The following FRMD6 variants were observed in gnomAD, a reference collection of about 807,000 sequenced individuals.
The protein encoded by FRMD6 is FERM domain containing 6.
Under a neutral mutation model 73.2 loss-of-function variants are expected in FRMD6, and 37 were observed. The observed-to-expected ratio is 0.51, with a 90% confidence interval of 0.39 to 0.66. The LOEUF (loss-of-function observed/expected upper bound fraction) is 0.66, where lower values mean the gene tolerates loss of function less well. FRMD6 is among the 30% of genes least tolerant of loss of function. The pLI is 0.00. For missense variants in FRMD6, 714 were observed against 780.5 expected, an observed-to-expected ratio of 0.91 and a Z score of 1.02; for synonymous variants, 273 against 282.2, an observed-to-expected ratio of 0.97 and a Z score of 0.33.
At chr14:51,471,054 TG>T in the FRMD6 span, among the ~76,000 whole-genome samples, 2 of 152,242 alleles carry the variant, frequency 1.3e-5, no homozygotes, top group Non-Finnish European at 2.9e-5. Context: ...ATGTTTTTTC[TG>T]GTTTTTCTAT....
At chr14:51,442,873 G>A in the FRMD6 span, among the ~76,000 whole-genome samples, 1 of 152,184 alleles carries the variant, frequency 6.6e-6, no homozygotes, top group African/African-American at 2.4e-5. Context: ...CAGAAGAACA[G>A]CAAGAAAACA....
chr14:51,613,128 T>G (rs1436426942), intron 2 of FRMD6, among the ~76,000 whole-genome samples: 1 of 152,162 alleles, frequency 6.6e-6, no homozygotes, highest in Non-Finnish European at 1.5e-5. Flanking sequence ...AGTTTCTAAT[T>G]TAATCTTTGA....
chr14:51,514,588 C>T (rs1884511814), intron 1 of FRMD6, among the ~76,000 whole-genome samples: 1 of 152,148 alleles, frequency 6.6e-6, no homozygotes, highest in Non-Finnish European at 1.5e-5. Context: ...TGGCTCGTGC[C>T]TATAATCCCA....
At chr14:51,684,697 A>G (rs558273708) in intron 1 of FRMD6, among the ~76,000 whole-genome samples, 1 of 152,208 alleles carries the variant, frequency 6.6e-6, no homozygotes, top group East Asian at 1.9e-4. Flanking sequence ...GCTGCTGCTG[A>G]ACATCCTACA....
chr14:51,445,842 C>A, the FRMD6 span, among the ~76,000 whole-genome samples: 1 of 152,158 alleles, frequency 6.6e-6, no homozygotes, highest in Non-Finnish European at 1.5e-5. Flanking sequence ...CCATAATTAG[C>A]TCAATAAATA....
At position 51,688,763 on chromosome 14, in the gene FRMD6, T is replaced by C. The variant is rs559503305; in HGVS notation, c.-146-928T>C. ...AAATACTAGACACACCCATTAAAAG[T>C]AGAAAATACCCACTACTGTTTTAAA... On this transcript the variant is annotated intron_variant, in intron 1 of 13. Transcript: ENST00000344768. Among the ~76,000 whole-genome samples the C allele has an allele frequency of 9.6e-4, 146 of 152,314 alleles. 1 individual carries two copies. Among genetic ancestry groups the C allele is most frequent in the African/African-American group, 3.2e-3 (135 of 41,578 alleles).
upstream of FRMD6, among the ~76,000 whole-genome samples, chr14:51,649,288 T>A (rs1007696177): frequency 4.6e-5 from 7 of 152,220 alleles, no homozygotes; most frequent in Non-Finnish European, 5.9e-5. Context: ...ACTGTTAATA[T>A]TATCACTATG....
the FRMD6 span, among the ~76,000 whole-genome samples, chr14:51,402,467 G>A: frequency 5.9e-4 from 90 of 152,170 alleles, no homozygotes; most frequent in Admixed American, 2.2e-3. Flanking sequence ...TTAAAAACGG[G>A]AGTTTCCCTG....
chr14:51,539,025 G>T (rs567655466), intron 1 of FRMD6, among the ~76,000 whole-genome samples: 6 of 152,154 alleles, frequency 3.9e-5, no homozygotes, highest in Non-Finnish European at 7.4e-5. Flanking sequence ...ATCTTGTATG[G>T]CAAAACCTGG....
intron 2 of FRMD6, among the ~76,000 whole-genome samples, chr14:51,575,376 C>G (rs1486148176): frequency 1.3e-5 from 2 of 152,218 alleles, no homozygotes; most frequent in Non-Finnish European, 2.9e-5. Context: ...CTTGTCTGTG[C>G]TCCCTGAACA....
At chr14:51,715,209 A>G (rs1393548750) in intron 9 of FRMD6, 116 bp from the exon 10 acceptor site, 1 of 769,022 alleles carries the variant, frequency 1.3e-6, no homozygotes, top group Non-Finnish European at 1.9e-6. Flanking sequence ...GGAATTTTAA[A>G]TGAAACTTTA....
rs552024548 is a variant in FRMD6 at position 51,512,616 on chromosome 14, CT to C, written c.-210+23208del. Among the ~76,000 whole-genome samples the C allele has an allele frequency of 9.6e-3, 1,391 of 145,330 alleles. 15 individuals carry two copies. Among genetic ancestry groups the C allele is most frequent in the African/African-American group, 0.027 (1,074 of 39,912 alleles). On this transcript the variant is annotated intron_variant, in intron 1 of 14. Coordinates refer to the FRMD6 transcript ENST00000356218. ...GATAGCTGATGTAATGTTTCTTTCT[CT>C]TTTTTTTTTTTGTGGGGGATGGATA... is the stretch of plus-strand genomic sequence containing the variant.
intron 2 of FRMD6, among the ~76,000 whole-genome samples, chr14:51,613,270 A>C (rs1007860468): frequency 6.6e-6 from 1 of 152,234 alleles, no homozygotes; most frequent in Admixed American, 6.5e-5. Flanking sequence ...AAAGAAACAC[A>C]AACAGGTGTA....
chr14:51,703,463 C>T (rs1896445968), intron 5 of FRMD6, among the ~76,000 whole-genome samples: 1 of 151,796 alleles, frequency 6.6e-6, no homozygotes, highest in Admixed American at 6.6e-5. Context: ...AAAAAATTAG[C>T]CCATAAGGAT....
intron 2 of FRMD6, among the ~76,000 whole-genome samples, chr14:51,638,696 G>A (rs780864956): frequency 1.3e-5 from 2 of 152,206 alleles, no homozygotes; most frequent in Non-Finnish European, 2.9e-5. Context: ...CAGATGGAAT[G>A]TAGAGGGGTG....
chr14:51,660,603 T>C (rs1480223497), intron 1 of FRMD6, among the ~76,000 whole-genome samples: 1 of 65,356 alleles, frequency 1.5e-5, no homozygotes, highest in South Asian at 4.4e-4. Flanking sequence ...TGTCAGTGAA[T>C]AAAATAAAGG....
chr14:51,686,914 C>G (rs1327424555), intron 1 of FRMD6, among the ~76,000 whole-genome samples: 2 of 152,064 alleles, frequency 1.3e-5, no homozygotes, highest in Non-Finnish European at 2.9e-5. Flanking sequence ...TTCATTGGAG[C>G]CTTTTAATCA....
intron 11 of FRMD6, chr14:51,720,654 T>C (rs1222501012): frequency 2.1e-6 from 1 of 478,012 alleles, no homozygotes; most frequent in Non-Finnish European, 3.8e-6. Context: ...AGATTGGAAA[T>C]TAGTCCTGCT....
chr14:51,462,152 C>T, the FRMD6 span, among the ~76,000 whole-genome samples: 1 of 152,100 alleles, frequency 6.6e-6, no homozygotes, highest in African/African-American at 2.4e-5. Flanking sequence ...ACTAATTTTT[C>T]CTGTGAGATG....
Sources: gnomAD v4.1 joint callset for allele counts (sites outside exome capture counted in the v4.1 genomes callset) on GRCh38, gnomAD v4.1.1 for gene constraint, MANE v1.5 for transcripts, NCBI Gene and HGNC (gene_info 2026-07-23, HGNC 2026-07-21) for gene names.